The following NEDD9 variants were observed in gnomAD, a reference collection of about 807,000 sequenced individuals.
The protein encoded by NEDD9 is enhancer of filamentation 1.
In NEDD9, 26 loss-of-function variants were observed where a neutral mutation model predicts 76.6. The observed-to-expected ratio is 0.34, with a 90% CI of 0.25 to 0.47. NEDD9 has a LOEUF of 0.47. Ranked by LOEUF, NEDD9 falls within the 20% of genes least tolerant of loss-of-function variation. The pLI is 1.00. For missense variants in NEDD9, 937 were observed against 1,058.5 expected (o/e 0.89, Z 1.59); for synonymous variants, 392 against 414.2 (o/e 0.95, Z 0.65).
At chr6:11,368,651 T>C (rs756119170) in intron 1 of NEDD9, among the ~76,000 whole-genome samples, 67 of 152,258 alleles carry the variant, frequency 4.4e-4, no homozygotes, top group Non-Finnish European at 7.6e-4. Flanking sequence ...CTTGTACATA[T>C]CTGCTTATGT....
Position 11,260,544 on chromosome 6 carries a change from T to C in NEDD9, c.12+45448A>G, listed in dbSNP as rs151315957. On this transcript the variant is annotated intron_variant, in intron 3 of 3. Coordinates refer to the NEDD9 transcript ENST00000397378. ...TACAGAGTAAGTGTTCATGAAATGATGAAGATCACAAAGATGGTGATGAAG... is the reference window on the plus strand; with the variant it reads ...TACAGAGTAAGTGTTCATGAAATGACGAAGATCACAAAGATGGTGATGAAG... 7.9e-5 allele frequency among the ~76,000 whole-genome samples: 12 copies of C among 152,334 alleles called. No individual in the cohort carries two copies. In the East Asian group the frequency reaches 1.9e-3, roughly 24 times the overall value.
intron 2 of NEDD9, among the ~76,000 whole-genome samples, chr6:11,324,298 C>T (rs565931563): frequency 2.1e-4 from 32 of 152,336 alleles, no homozygotes; most frequent in Middle Eastern, 3.4e-3. Context: ...GGCATGTGCT[C>T]TCGGGCTGTA....
At chr6:11,271,641 T>C (rs555675023) in intron 3 of NEDD9, 82 of 152,370 alleles carry the variant, frequency 5.4e-4, no homozygotes, top group African/African-American at 1.8e-3. Context: ...TTCATCTTCA[T>C]AGTCCTGCAT....
At chr6:11,378,612 A>G (rs1167689346) in intron 1 of NEDD9, among the ~76,000 whole-genome samples, 1 of 152,186 alleles carries the variant, frequency 6.6e-6, no homozygotes, top group African/African-American at 2.4e-5. Context: ...TTTAGAATAT[A>G]TGGATACCTT....
chr6:11,283,560 C>T (rs1186637712), intron 3 of NEDD9, among the ~76,000 whole-genome samples: 1 of 152,120 alleles, frequency 6.6e-6, no homozygotes, highest in African/African-American at 2.4e-5. Flanking sequence ...CAATAGTCAC[C>T]ACATGGATGA....
intron 3 of NEDD9, among the ~76,000 whole-genome samples, chr6:11,293,196 G>GTTTTTTTTTT (rs35317754): frequency 6.7e-6 from 1 of 148,430 alleles, no homozygotes. Flanking sequence ...CTAAGTCTAT[G>GTTTTTTTTTT]TTTTTTTTTT....
At chr6:11,272,577 G>A (rs1354921196) in intron 3 of NEDD9, among the ~76,000 whole-genome samples, 1 of 152,184 alleles carries the variant, frequency 6.6e-6, no homozygotes, top group Admixed American at 6.5e-5. Context: ...TTTCAAGATC[G>A]GTAACTGGGA....
chr6:11,272,020 C>G (rs1414616668), intron 3 of NEDD9, among the ~76,000 whole-genome samples: 1 of 152,196 alleles, frequency 6.6e-6, no homozygotes, highest in Admixed American at 6.5e-5. Flanking sequence ...TTTTCCCAAG[C>G]ACTTCTTAGG....
At chr6:11,287,524 CCACACA>C (rs58610423) in intron 3 of NEDD9, among the ~76,000 whole-genome samples, 12,150 of 148,540 alleles carry the variant, frequency 0.082, 1,340 homozygotes, top group African/African-American at 0.26. Flanking sequence ...GTGCACAAAT[CCACACA>C]CACACACACA....
At chr6:11,295,642 CTTGCCTCAGTTCAGACAACA>C (rs910170582) in intron 3 of NEDD9, among the ~76,000 whole-genome samples, 1 of 152,186 alleles carries the variant, frequency 6.6e-6, no homozygotes, top group African/African-American at 2.4e-5. Flanking sequence ...TTCCAACTAC[CTTGCCTCAGTTCAGACAACA>C]TGGAAGGACA....
intron 3 of NEDD9, among the ~76,000 whole-genome samples, chr6:11,278,461 C>T (rs1168605301): frequency 1.3e-5 from 2 of 152,158 alleles, no homozygotes; most frequent in African/African-American, 2.4e-5. Context: ...GCTCTAGACC[C>T]CAAACACTTA....
chr6:11,258,732 C>G (rs187263211), intron 3 of NEDD9: 1 of 152,204 alleles, frequency 6.6e-6, no homozygotes, highest in Non-Finnish European at 1.5e-5. Flanking sequence ...TTGAAGGACA[C>G]AAAGCCATAA....
chr6:11,286,507 C>T (rs950655770), intron 3 of NEDD9, among the ~76,000 whole-genome samples: 13 of 152,180 alleles, frequency 8.5e-5, no homozygotes, highest in Admixed American at 6.5e-4. Context: ...GCCATGCACA[C>T]CCTTTTACAT....
In NEDD9 at chr6:11,213,622, G is replaced by A; in HGVS notation, c.118C>T (p.Leu40=). The change falls in exon 2 of 7, where the codon CTG becomes TTG. Residue 40 remains leucine (L), a synonymous_variant. Coordinates refer to ENST00000379446, the MANE Select transcript of NEDD9 (RefSeq NM_006403.4). This position sits in a 1 kb window ranked among gnomAD's most constrained non-coding sequence, Gnocchi z 5.4. ...AATGAGCACAGCCACCATCCTTCCA[G>A]TCCCCCTGTGTTCTGCTCTATGACG... The part of the protein sequence containing the change: ...LTVIEQNTGG[L]EGWWLCSLHG... 1 of 1,614,188 alleles carries A rather than the reference G, an allele frequency of 6.2e-7. No individual in the cohort carries two copies. Among genetic ancestry groups the A allele is most frequent in the Non-Finnish European group, 8.5e-7 (1 of 1,180,034 alleles).
At chr6:11,239,039 T>C (rs1217318191) in intron 3 of NEDD9, among the ~76,000 whole-genome samples, 2 of 151,998 alleles carry the variant, frequency 1.3e-5, no homozygotes, top group Non-Finnish European at 2.9e-5. Context: ...TGGTGGTGCA[T>C]GCCTATAGTC....
intron 3 of NEDD9, among the ~76,000 whole-genome samples, chr6:11,249,461 G>T (rs765713021): frequency 2.6e-5 from 4 of 152,154 alleles, no homozygotes; most frequent in Non-Finnish European, 4.4e-5. Flanking sequence ...ACATCTTCCA[G>T]CCAGCAGGAA....
At chr6:11,358,090 T>C (rs1435210033) in intron 1 of NEDD9, among the ~76,000 whole-genome samples, 2 of 151,656 alleles carry the variant, frequency 1.3e-5, no homozygotes, top group East Asian at 1.9e-4. Flanking sequence ...TCTACTAAAA[T>C]ACAAAAAATT....
intron 3 of NEDD9, among the ~76,000 whole-genome samples, chr6:11,256,016 C>T (rs144227303): frequency 6.6e-6 from 1 of 152,248 alleles, no homozygotes; most frequent in African/African-American, 2.4e-5. Flanking sequence ...CATCAGCATG[C>T]CCACAGAGCA....
Position 11,362,630 on chromosome 6 carries a change from G to GGT in NEDD9, c.-214+19508_-214+19509insAC, listed in dbSNP as rs533287197. 1.1e-4 allele frequency among the ~76,000 whole-genome samples: 17 copies of GGT among 152,254 alleles called. No individual in the cohort carries two copies. In the South Asian group the frequency reaches 3.1e-3, roughly 28 times the overall value. Reference sequence around the variant, plus strand: ...CTCTTGCTTGCTTTTCTCACCAAAGGGAGATATTTGTGTAGGTGTCAAAAT... The same window carrying GGT: ...CTCTTGCTTGCTTTTCTCACCAAAGGGTGAGATATTTGTGTAGGTGTCAAAAT... On this transcript the variant is annotated intron_variant, in intron 1 of 3. Coordinates refer to the NEDD9 transcript ENST00000397378.
Sources: gnomAD v4.1 joint callset for allele counts (sites outside exome capture counted in the v4.1 genomes callset) on GRCh38, gnomAD v4.1.1 for gene constraint, Gnocchi (gnomAD v3.1) non-coding constraint, MANE v1.5 for transcripts, NCBI Gene and HGNC (gene_info 2026-07-23, HGNC 2026-07-21) for gene names.